The following CDON variants were observed in gnomAD, a reference collection of about 807,000 sequenced individuals.
The protein encoded by CDON is cell adhesion molecule-related/down-regulated by oncogenes.
CDON carries 73 observed loss-of-function variants against 120.9 expected under a neutral mutation model. The observed-to-expected ratio is 0.60, with a 90% CI of 0.50 to 0.73. CDON has a LOEUF of 0.73. Among genes scored for constraint, CDON ranks in the 30% least tolerant of loss-of-function variants. The pLI is 0.00. For missense variants in CDON, 1,470 were observed against 1,587.3 expected (o/e 0.93, Z 1.26); for synonymous variants, 566 against 573.5 (o/e 0.99, Z 0.19).
chr11:126,005,713 A>C (rs772524011), intron 9 of CDON, 46 bp downstream of exon 9: 2 of 1,554,246 alleles, frequency 1.3e-6, no homozygotes, highest in South Asian at 2.2e-5. Context: ...TATACAAAGA[A>C]CGTTCAGGTG....
At chr11:126,018,308 C>T (rs771791405) in intron 5 of CDON, 22 bp downstream of exon 5, 2 of 1,610,968 alleles carry the variant, frequency 1.2e-6, no homozygotes, top group Admixed American at 3.3e-5. Flanking sequence ...TTCCAGTTAC[C>T]ATTATTCTCC....
At chr11:126,026,918 T>G (rs572285169) in intron 1 of CDON, among the ~76,000 whole-genome samples, 1 of 152,200 alleles carries the variant, frequency 6.6e-6, no homozygotes, top group East Asian at 1.9e-4. Context: ...ATTTATTTAT[T>G]AAAAAGCAGT....
In CDON at chr11:125,960,751, A is replaced by G. The variant is rs1945619495; in HGVS notation, c.*191T>C. On this transcript the variant is annotated 3_prime_UTR_variant, in exon 20 of 20. Coordinates refer to ENST00000531738, the MANE Select transcript of CDON (RefSeq NM_001378964.1). The stretch of plus-strand genomic sequence containing the variant: ...CGAGGGGGAGGAAGGAATGGGGAAG[A>G]AAACATTTAAGGCATAAATAATATA... 3.2e-6 allele frequency: 2 copies of G among 624,034 alleles called. No individual in the cohort carries two copies. Among genetic ancestry groups the G allele is most frequent in the Non-Finnish European group, 5.7e-6 (2 of 351,304 alleles). 38.7% of individuals were successfully genotyped at this position (624,034 alleles called of 1,614,324 possible). A position where few individuals can be genotyped will look rare whatever the true frequency, so the allele number is the denominator to read the frequency against.
Position 125,994,960 on chromosome 11 carries a change from G to A in CDON, c.2455C>T (p.Pro819Ser), listed in dbSNP as rs758213416. ...ATTGGACGGCTGGAAAAGCGATTGGGGAACCCAACCACTTGATAAGGACGA... is the reference window on the plus strand; with the variant it reads ...ATTGGACGGCTGGAAAAGCGATTGGAGAACCCAACCACTTGATAAGGACGA... The part of the protein sequence containing the change: ...ASRPYQVVGF[P>S]NRFSSRPITG... The change falls in exon 13 of 20, where the codon CCC becomes TCC. Residue 819 changes from proline (P) to serine (S), a missense_variant. Pro to Ser is a moderately conservative substitution (Grantham distance 74). Transcript: ENST00000531738. 2.2e-5 allele frequency: 35 copies of A among 1,614,004 alleles called. No individual in the cohort carries two copies. The highest frequency in any genetic ancestry group is 1.4e-4 in the South Asian group (13 of 91,076).
intron 14 of CDON, 25 bp downstream of exon 14, chr11:125,994,259 G>A: frequency 8.2e-7 from 1 of 1,212,266 alleles, no homozygotes; most frequent in Non-Finnish European, 1.2e-6. Flanking sequence ...CCTTTACAGG[G>A]ACTCCAGTGT....
intron 6 of CDON, 63 bp from the exon 7 acceptor site, chr11:126,015,573 GA>G: frequency 1.3e-6 from 2 of 1,535,482 alleles, no homozygotes; most frequent in South Asian, 2.3e-5. Flanking sequence ...ATTATCACTC[GA>G]GTGATAAAAA....
chr11:125,989,670 C>T lies in CDON; in HGVS notation c.2740G>A (p.Glu914Lys). 6.2e-7 allele frequency: 1 copy of T among 1,613,560 alleles called. No individual in the cohort carries two copies. Among genetic ancestry groups the T allele is most frequent in the Non-Finnish European group, 8.5e-7 (1 of 1,179,618 alleles). ...MQCFNEGGES[E>K]FSNVMICETK... ...TCGCAGATCATCACATTGCTAAATT[C>T]ACTTTCTCCTCCTTCATTGAAGCAT... Residue 914 changes from glutamate (E) to lysine (K), a missense_variant, in exon 15 of 20, where the codon GAA becomes AAA. Physicochemically the swap from Glu to Lys is moderately conservative, Grantham distance 56. Transcript: ENST00000531738.
At chr11:126,041,690 T>G (rs967763189) in intron 1 of CDON, among the ~76,000 whole-genome samples, 1 of 152,232 alleles carries the variant, frequency 6.6e-6, no homozygotes, top group Non-Finnish European at 1.5e-5. Flanking sequence ...TTAATAAATC[T>G]TCTTAAAACC....
intron 18 of CDON, among the ~76,000 whole-genome samples, chr11:125,965,572 C>A (rs637858): frequency 0.71 from 108,492 of 151,908 alleles, 38,946 homozygotes; most frequent in East Asian, 0.92. Context: ...TGGAGTTCAG[C>A]GTCTGCCAAG....
rs563402489 is a variant in CDON, at chr11:125,961,354, C to T, written c.3632-249G>A. On this transcript the variant is annotated intron_variant, in intron 19 of 19. Transcript: ENST00000531738. ...CAACCCCTTAAAAGCCCTAAAATAA[C>T]CACCTGAAAGAAAGGTTACAACTCC... 1.9e-4 allele frequency among the ~76,000 whole-genome samples: 29 copies of T among 152,256 alleles called. 1 individual carries two copies. Among genetic ancestry groups the T allele is most frequent in the Admixed American group, 1.3e-3 (20 of 15,302 alleles).
intron 8 of CDON, among the ~76,000 whole-genome samples, chr11:126,009,778 A>G (rs1007675212): frequency 2.6e-5 from 4 of 152,238 alleles, no homozygotes; most frequent in African/African-American, 9.6e-5. Context: ...GTTTGAGTCC[A>G]TTTCCATGAA....
intron 15 of CDON, among the ~76,000 whole-genome samples, chr11:125,988,989 G>A (rs1461024303): frequency 2.6e-5 from 4 of 151,842 alleles, no homozygotes; most frequent in African/African-American, 4.8e-5. Context: ...AAAGAAAAAC[G>A]GAAGGGTTCA....
At chr11:126,014,709 G>A (rs1947409506) in intron 7 of CDON, 1 of 154,538 alleles carries the variant, frequency 6.5e-6, no homozygotes, top group Admixed American at 6.3e-5. Flanking sequence ...GGACCACTAA[G>A]CAGCAACTTT....
intron 11 of CDON, among the ~76,000 whole-genome samples, chr11:125,998,385 C>G (rs1275045916): frequency 6.6e-6 from 1 of 152,074 alleles, no homozygotes; most frequent in South Asian, 2.1e-4. Context: ...AGCAAGTTCT[C>G]GCTCTGTTGA....
intron 18 of CDON, among the ~76,000 whole-genome samples, chr11:125,977,179 G>A (rs1043451549): frequency 9.2e-5 from 14 of 152,154 alleles, no homozygotes; most frequent in Non-Finnish European, 8.8e-5. Context: ...CAAAACCAGG[G>A]TCATATAGAA....
chr11:126,005,878 C>T lies in CDON; in HGVS notation c.1732G>A (p.Asp578Asn), dbSNP rs750499517. Residue 578 changes from aspartate to asparagine, a missense_variant, in exon 9 of 20, where the codon GAT (aspartate) becomes AAT (asparagine). Asp to Asn is a conservative substitution (Grantham distance 23). Coordinates refer to ENST00000531738, the MANE Select transcript of CDON (RefSeq NM_001378964.1). The part of the protein sequence containing the change: ...EKNASGISVP[D>N]APIILSPPQT... The stretch of plus-strand genomic sequence containing the variant: ...GGGGGGCTCAGTATGATGGGGGCAT[C>T]AGGAACAGAGATGCCGCTGGCGTTT... 1.2e-5 allele frequency: 19 copies of T among 1,614,118 alleles called. No individual in the cohort carries two copies. The East Asian group carries it at 4.0e-4, about 34-fold the overall frequency.
rs1022924041 is a variant in CDON, at chr11:125,981,478, G to A, written c.2996-149C>T. 3 of 823,646 alleles carry A rather than the reference G, an allele frequency of 3.6e-6. No homozygotes were observed. The African/African-American group carries it at 5.1e-5, about 14-fold the overall frequency. 51.0% of individuals were successfully genotyped at this position (823,646 alleles called of 1,614,324 possible). A position where few individuals can be genotyped will look rare whatever the true frequency, so the allele number is the denominator to read the frequency against. ...CTAAAAAGGACAATCTTCTTGCTGA[G>A]AAGGTCTTACAGATAAAACCCCTAC... On this transcript the variant is annotated intron_variant, in intron 16 of 19. Coordinates refer to ENST00000531738, the MANE Select transcript of CDON (RefSeq NM_001378964.1).
At chr11:125,975,917 C>G (rs963506384) in intron 18 of CDON, among the ~76,000 whole-genome samples, 2 of 152,140 alleles carry the variant, frequency 1.3e-5, no homozygotes. Flanking sequence ...TTTTGTTTGA[C>G]TGAACAGCCA....
intron 1 of CDON, among the ~76,000 whole-genome samples, chr11:126,057,724 TTA>T (rs1296059534): frequency 1.3e-5 from 2 of 152,288 alleles, no homozygotes; most frequent in African/African-American, 4.8e-5. Context: ...TGGAAAAAAA[TTA>T]CACACAATGT....
Sources: allele counts gnomAD v4.1 joint callset (sites outside exome capture counted in the v4.1 genomes callset), GRCh38; gene constraint gnomAD v4.1.1; transcripts MANE v1.5; gene names NCBI Gene and HGNC (gene_info 2026-07-23, HGNC 2026-07-21).